Variants in FGF12 observed in about 807,000 individuals in gnomAD.
FGF12 encodes fibroblast growth factor 12B.
FGF12 carries 14 observed loss-of-function variants against 23.6 expected under a neutral mutation model. The ratio of observed to expected loss-of-function variants is 0.59; its 90% CI spans 0.39 to 0.93. The LOEUF is 0.93. Among genes scored for constraint, FGF12 ranks in the 40% least tolerant of loss-of-function variants. The pLI, the probability that FGF12 is intolerant of heterozygous loss-of-function variation, is 0.00. For synonymous variants in FGF12, 62 were observed against 77.3 expected (o/e 0.80, Z 1.04); for missense variants, 175 against 217.8 (o/e 0.80, Z 1.24).
chr3:192,263,159 T>C (rs559459218), intron 4 of FGF12, among the ~76,000 whole-genome samples: 61 of 152,108 alleles, frequency 4.0e-4, no homozygotes, highest in Middle Eastern at 3.4e-3. Flanking sequence ...GGTCAGAAAA[T>C]ATAGGATTGA....
intron 5 of FGF12, among the ~76,000 whole-genome samples, chr3:192,157,284 T>G (rs932153666): frequency 2.0e-5 from 3 of 152,218 alleles, no homozygotes; most frequent in Admixed American, 6.5e-5. Context: ...CCTGCAGTTC[T>G]GGTAACACAA....
intron 2 of FGF12, among the ~76,000 whole-genome samples, chr3:192,491,973 C>T (rs1227418152): frequency 6.6e-6 from 1 of 152,120 alleles, no homozygotes; most frequent in Admixed American, 6.6e-5. Context: ...GTGTACAAGA[C>T]AGATTGCTCC....
At chr3:192,710,851 T>C (rs1718641982) in intron 2 of FGF12, among the ~76,000 whole-genome samples, 1 of 152,170 alleles carries the variant, frequency 6.6e-6, no homozygotes, top group South Asian at 2.1e-4. Flanking sequence ...TTTCTACGGA[T>C]TTCCAAAACC....
intron 2 of FGF12, among the ~76,000 whole-genome samples, chr3:192,654,278 C>T (rs1036788471): frequency 3.3e-5 from 5 of 152,226 alleles, no homozygotes; most frequent in African/African-American, 7.2e-5. Flanking sequence ...TCCTAATTAG[C>T]ATTAATGGGT....
intron 2 of FGF12, among the ~76,000 whole-genome samples, chr3:192,602,724 A>C (rs79879806): frequency 0.26 from 22,435 of 87,326 alleles, 1,683 homozygotes; most frequent in Middle Eastern, 0.34. Context: ...CAAAGGCCCA[A>C]AAAAAAAAAA....
At chr3:192,576,907 G>C (rs1372947680) in intron 2 of FGF12, among the ~76,000 whole-genome samples, 1 of 152,108 alleles carries the variant, frequency 6.6e-6, no homozygotes, top group Admixed American at 6.6e-5. Flanking sequence ...TTCTTTGCAG[G>C]GACAGGGGAT....
chr3:192,498,272 G>A (rs1464868701), intron 2 of FGF12, among the ~76,000 whole-genome samples: 1 of 152,190 alleles, frequency 6.6e-6, no homozygotes, highest in Non-Finnish European at 1.5e-5. Context: ...CTTGGGGCAG[G>A]CGTTGACTTA....
chr3:192,702,520 C>A (rs1718334699), intron 2 of FGF12, among the ~76,000 whole-genome samples: 1 of 148,176 alleles, frequency 6.7e-6, no homozygotes, highest in Non-Finnish European at 1.5e-5. Flanking sequence ...AGGCCAGGCA[C>A]AGTGGATCAC....
chr3:192,620,394 A>T (rs1279047194), intron 2 of FGF12, among the ~76,000 whole-genome samples: 1 of 152,148 alleles, frequency 6.6e-6, no homozygotes, highest in Non-Finnish European at 1.5e-5. Context: ...TCCAGGGCCC[A>T]TATTTCATCT....
At chr3:192,404,076 G>A (rs370889237) in intron 2 of FGF12, among the ~76,000 whole-genome samples, 3 of 152,040 alleles carry the variant, frequency 2.0e-5, no homozygotes, top group East Asian at 1.9e-4. Flanking sequence ...CTTTTTAAAG[G>A]GATCGGCGTA....
intron 2 of FGF12, among the ~76,000 whole-genome samples, chr3:192,720,131 T>C (rs1289524187): frequency 6.6e-6 from 1 of 152,220 alleles, no homozygotes; most frequent in Non-Finnish European, 1.5e-5. Context: ...TTGGGTTGCT[T>C]CTCAGGCTAA....
At chr3:192,331,618 G>A (rs903057486) in intron 4 of FGF12, among the ~76,000 whole-genome samples, 19 of 151,980 alleles carry the variant, frequency 1.3e-4, no homozygotes, top group Admixed American at 7.2e-4. Context: ...GCATTTTCCC[G>A]CCTATATGAG....
intron 2 of FGF12, among the ~76,000 whole-genome samples, chr3:192,526,700 A>C (rs566408667): frequency 9.2e-5 from 14 of 152,356 alleles, no homozygotes; most frequent in African/African-American, 3.4e-4. Flanking sequence ...GGAAATGGTC[A>C]ATAAATATCT....
At chr3:192,648,879 T>C (rs1716108477) in intron 2 of FGF12, among the ~76,000 whole-genome samples, 1 of 152,090 alleles carries the variant, frequency 6.6e-6, no homozygotes, top group Admixed American at 6.5e-5. Flanking sequence ...AGTTAGGGAG[T>C]TCACCAAACT....
rs1719248078 is a variant in FGF12 at position 192,727,198 on chromosome 3, G to T, written c.-5C>A. 6.3e-7 allele frequency: 1 copy of T among 1,579,338 alleles called. No individual in the cohort carries two copies. Among genetic ancestry groups the T allele is most frequent in the Non-Finnish European group, 8.6e-7 (1 of 1,162,436 alleles). On this transcript the variant is annotated 5_prime_UTR_variant, in exon 2 of 6. Coordinates refer to ENST00000445105, the MANE Select transcript of FGF12 (RefSeq NM_004113.6). ...CCACATACCTTTGCTCTCCATTTCG[G>T]TCCCTTTCGAGTGCTGGGAAGTTCA...
intron 3 of FGF12, among the ~76,000 whole-genome samples, chr3:192,359,360 T>G (rs1718617817): frequency 6.6e-6 from 1 of 152,220 alleles, no homozygotes; most frequent in South Asian, 2.1e-4. Flanking sequence ...GACGTTTCAC[T>G]ACAAAATATC....
At chr3:192,161,060 C>T (rs557770111) in intron 5 of FGF12, among the ~76,000 whole-genome samples, 9 of 152,090 alleles carry the variant, frequency 5.9e-5, no homozygotes, top group South Asian at 4.2e-4. Flanking sequence ...AGAAAGCTGA[C>T]GACCACCCTT....
chr3:192,630,774 G>A (rs1194968814), intron 2 of FGF12, among the ~76,000 whole-genome samples: 2 of 151,026 alleles, frequency 1.3e-5, no homozygotes, highest in Non-Finnish European at 3.0e-5. Flanking sequence ...TAGCCAGGAT[G>A]GCCTCAATCT....
At chr3:192,552,421 TCC>T (rs1711569933) in intron 2 of FGF12, among the ~76,000 whole-genome samples, 1 of 152,068 alleles carries the variant, frequency 6.6e-6, no homozygotes, top group Admixed American at 6.5e-5. Flanking sequence ...AAAATTACCC[TCC>T]AGATTCAAGA....
Sources: allele counts gnomAD v4.1 joint callset (sites outside exome capture counted in the v4.1 genomes callset), GRCh38; gene constraint gnomAD v4.1.1; transcripts MANE v1.5; gene names NCBI Gene and HGNC (gene_info 2026-07-23, HGNC 2026-07-21).